The following NDRG1 variants were observed in gnomAD, a reference collection of about 807,000 sequenced individuals.
NDRG1 encodes N-myc downstream regulated 1.
Under a neutral mutation model 56.9 loss-of-function variants are expected in NDRG1, and 32 were observed. The observed-to-expected ratio is 0.56, with a 90% CI of 0.42 to 0.76. The LOEUF (loss-of-function observed/expected upper bound fraction) is 0.76, where lower values mean the gene tolerates loss of function less well. Among genes scored for constraint, NDRG1 ranks in the 30% least tolerant of loss-of-function variants. The pLI, the probability that NDRG1 is intolerant of heterozygous loss-of-function variation, is 0.00. For missense variants in NDRG1, 507 were observed against 545.7 expected (o/e 0.93, Z 0.71); for synonymous variants, 211 against 204.1 (o/e 1.03, Z -0.29).
intron 4 of NDRG1, 143 bp downstream of exon 4, chr8:133,264,404 C>G: frequency 5.2e-6 from 4 of 766,792 alleles, no homozygotes; most frequent in South Asian, 4.4e-5. Context: ...CAGGCTGTGG[C>G]AAGAGTTCTT....
chr8:133,247,966 C>T (rs1181497249), intron 11 of NDRG1, 40 bp from the exon 12 acceptor site: 2 of 1,606,538 alleles, frequency 1.2e-6, no homozygotes, highest in Admixed American at 1.7e-5. Context: ...CACAAGGTTC[C>T]TTTAAAGATT....
At chr8:133,251,052 T>C (rs1017942047) in intron 9 of NDRG1, among the ~76,000 whole-genome samples, 1 of 152,136 alleles carries the variant, frequency 6.6e-6, no homozygotes, top group Non-Finnish European at 1.5e-5. Flanking sequence ...TGGGAAGAGC[T>C]GAAAAGAAGT....
intron 7 of NDRG1, 127 bp downstream of exon 7, chr8:133,258,239 A>T (rs1430604304): frequency 5.3e-6 from 5 of 947,262 alleles, no homozygotes; most frequent in African/African-American, 3.3e-5. Context: ...ACACACACAC[A>T]CACACAACTG....
intron 2 of NDRG1, among the ~76,000 whole-genome samples, chr8:133,281,870 T>C (rs1352145887): frequency 6.6e-6 from 1 of 152,170 alleles, no homozygotes; most frequent in African/African-American, 2.4e-5. Flanking sequence ...CATGTGAGTG[T>C]GTACTGGTGG....
At chr8:133,243,088 G>T (rs754447167) in intron 14 of NDRG1, among the ~76,000 whole-genome samples, 2 of 152,186 alleles carry the variant, frequency 1.3e-5, no homozygotes, top group Non-Finnish European at 2.9e-5. Context: ...CCAGTGCCCT[G>T]GGTCCTATTC....
chr8:133,263,099 G>A (rs1856739286), intron 4 of NDRG1, among the ~76,000 whole-genome samples: 1 of 152,226 alleles, frequency 6.6e-6, no homozygotes, highest in African/African-American at 2.4e-5. Context: ...TCCGAATGGG[G>A]AGAGACGCTG....
chr8:133,271,211 G>A (rs891752583), intron 3 of NDRG1, among the ~76,000 whole-genome samples: 3 of 152,324 alleles, frequency 2.0e-5, no homozygotes, highest in Middle Eastern at 3.4e-3. Context: ...ATCTAAGTCA[G>A]TTGGTGGGCT....
chr8:133,255,654 C>A, intron 8 of NDRG1: 1 of 289,948 alleles, frequency 3.4e-6, no homozygotes. Flanking sequence ...GGAAGGGCTC[C>A]TGCATTCTGG....
chr8:133,259,050 C>T, intron 6 of NDRG1, 118 bp downstream of exon 6: 2 of 1,032,374 alleles, frequency 1.9e-6, no homozygotes, highest in South Asian at 2.5e-5. Flanking sequence ...TTTCTTGCCT[C>T]ATCTCTAAAT....
chr8:133,254,962 C>T (rs1856288685), intron 8 of NDRG1: 2 of 347,608 alleles, frequency 5.8e-6, no homozygotes, highest in Non-Finnish European at 1.1e-5. Context: ...CACTGAGCTC[C>T]CCAGTCTATA....
Position 133,254,723 on chromosome 8 carries a change from A to C in NDRG1, c.538-128T>G, listed in dbSNP as rs1161687742. On this transcript the variant is annotated intron_variant, in intron 8 of 15. Transcript: ENST00000323851. ...TCCCCCCTACATGCAGGCCTCAAGG[A>C]CATCCCCCTTGATAGAAACTCAGTT... The C allele has an allele frequency of 3.3e-6, 3 of 912,086 alleles. No individual in the cohort carries two copies. The East Asian group carries it at 7.9e-5, about 24-fold the overall frequency. The allele number at this position is 912,086 out of a possible 1,614,324, so 56.5% of individuals were successfully genotyped here.
chr8:133,282,683 T>G (rs1349935138), intron 2 of NDRG1, among the ~76,000 whole-genome samples: 2 of 152,212 alleles, frequency 1.3e-5, no homozygotes, highest in Non-Finnish European at 2.9e-5. Flanking sequence ...CATTTTAAAT[T>G]TTTGTTGGAA....
chr8:133,275,533 A>C (rs1473479502), intron 3 of NDRG1, among the ~76,000 whole-genome samples: 2 of 152,022 alleles, frequency 1.3e-5, no homozygotes, highest in Non-Finnish European at 2.9e-5. Flanking sequence ...TATCTTTTAG[A>C]CTTCAGTGCA....
At chr8:133,254,861 A>G (rs1050679992) in intron 8 of NDRG1, 5 of 505,046 alleles carry the variant, frequency 9.9e-6, no homozygotes, top group Non-Finnish European at 1.8e-5. Context: ...TAAGTGCTGA[A>G]TAAAGACCCA....
chr8:133,250,275 C>A (rs1180907660), intron 10 of NDRG1, among the ~76,000 whole-genome samples, 165 bp downstream of exon 10: 4 of 152,166 alleles, frequency 2.6e-5, no homozygotes, highest in African/African-American at 4.8e-5. Context: ...AGCTTACAGG[C>A]CAGGTGTCCT....
intron 3 of NDRG1, among the ~76,000 whole-genome samples, chr8:133,267,040 C>T (rs188984753): frequency 2.0e-5 from 3 of 152,328 alleles, no homozygotes; most frequent in Admixed American, 2.0e-4. Flanking sequence ...CCACCTCCCC[C>T]TCCCCAGCGG....
At chr8:133,295,032 G>C (rs1399238566) in intron 1 of NDRG1, among the ~76,000 whole-genome samples, 2 of 152,196 alleles carry the variant, frequency 1.3e-5, no homozygotes, top group Non-Finnish European at 2.9e-5. Context: ...AGTTGGACTA[G>C]GTAGGTCCTG....
intron 11 of NDRG1, among the ~76,000 whole-genome samples, 154 bp downstream of exon 11, chr8:133,248,561 T>C (rs1182280790): frequency 6.6e-6 from 1 of 152,182 alleles, no homozygotes; most frequent in Non-Finnish European, 1.5e-5. Flanking sequence ...GAAGTCCAAG[T>C]CAGGCTGGGT....
At chr8:133,287,546 A>G (rs1586496188) in intron 1 of NDRG1, among the ~76,000 whole-genome samples, 1 of 152,214 alleles carries the variant, frequency 6.6e-6, no homozygotes, top group East Asian at 1.9e-4. Flanking sequence ...CTCACTCATC[A>G]GGCTGCATCT....
Sources: allele counts gnomAD v4.1 joint callset (sites outside exome capture counted in the v4.1 genomes callset), GRCh38; gene constraint gnomAD v4.1.1; transcripts MANE v1.5; gene names NCBI Gene and HGNC (gene_info 2026-07-23, HGNC 2026-07-21).